The following LAMA5 variants were observed in gnomAD, a reference collection of about 807,000 sequenced individuals.
The protein encoded by LAMA5 is laminin subunit alpha-5.
In LAMA5, 260 loss-of-function variants were observed where a neutral mutation model predicts 433.4. The observed-to-expected ratio is 0.60, with a 90% CI of 0.54 to 0.66. LAMA5 has a LOEUF of 0.66. Among genes scored for constraint, LAMA5 ranks in the 30% least tolerant of loss-of-function variants. LAMA5 has a pLI of 0.00. For synonymous variants in LAMA5, 2,620 were observed against 2,226.6 expected (o/e 1.18, Z -4.97); for missense variants, 5,378 against 5,258.5 (o/e 1.02, Z -0.70).
chr20:62,322,620 G>GGGGCCCC, intron 46 of LAMA5, 38 bp downstream of exon 46: 2 of 1,399,002 alleles, frequency 1.4e-6, no homozygotes, highest in Non-Finnish European at 2.0e-6. Context: ...TAGTCCCTAG[G>GGGGCCCC]CCCCACCCAC....
chr20:62,313,460 G>A lies in LAMA5; in HGVS notation c.8659C>T (p.Pro2887Ser). 1.2e-6 allele frequency: 2 copies of A among 1,603,012 alleles called. No homozygotes were observed. Among genetic ancestry groups the A allele is most frequent in the South Asian group, 1.1e-5 (1 of 89,072 alleles). ...CCGGGGAAGCGAAGCAGGGGAGGGGGCTGTGGGCACAGGGCTGGGTCAGGG... is the reference window on the plus strand; with the variant it reads ...CCGGGGAAGCGAAGCAGGGGAGGGGACTGTGGGCACAGGGCTGGGTCAGGG... ...YVGGYPSTFTPPPLLRFPGYR... is the reference protein window; with the variant it reads ...YVGGYPSTFTSPPLLRFPGYR... Residue 2887 changes from proline to serine, a missense_variant and splice_region_variant, in exon 64 of 80, where the codon CCC becomes TCC. Transcript: ENST00000252999.
chr20:62,325,663 A>T lies in LAMA5; in HGVS notation c.5299-117T>A, dbSNP rs1173010714. 14 of 654,850 alleles carry T rather than the reference A, an allele frequency of 2.1e-5. No individual in the cohort carries two copies. In the East Asian group the frequency reaches 4.0e-4, roughly 19 times the overall value. 40.6% of individuals were successfully genotyped at this position (654,850 alleles called of 1,614,324 possible). A position where few individuals can be genotyped will look rare whatever the true frequency, so the allele number is the denominator to read the frequency against. Reference sequence around the variant, plus strand: ...AGGGGCACAAAGACCATGGGGCAGGAGGAGGTACACACAGGTAGAAAAACC... The same window carrying T: ...AGGGGCACAAAGACCATGGGGCAGGTGGAGGTACACACAGGTAGAAAAACC... On this transcript the variant is annotated intron_variant, in intron 40 of 79. Coordinates refer to ENST00000252999, the MANE Select transcript of LAMA5 (RefSeq NM_005560.6).
chr20:62,333,366 G>A lies in LAMA5; in HGVS notation c.3128+9C>T, dbSNP rs1171750823. On this transcript the variant is annotated intron_variant, in intron 25 of 79. Transcript: ENST00000252999. Reference sequence around the variant, plus strand: ...CCCACCCCGGTCCCACCGCACGCATGGCCCTCACTTGTCGCCAGACTGCTG... The same window carrying A: ...CCCACCCCGGTCCCACCGCACGCATAGCCCTCACTTGTCGCCAGACTGCTG... 1.2e-6 allele frequency: 2 copies of A among 1,609,332 alleles called. No homozygotes were observed. Among genetic ancestry groups the A allele is most frequent in the Non-Finnish European group, 1.7e-6 (2 of 1,179,030 alleles).
chr20:62,322,542 C>G, intron 46 of LAMA5, 93 bp from the exon 47 acceptor site: 1 of 1,452,234 alleles, frequency 6.9e-7, no homozygotes, highest in Non-Finnish European at 9.3e-7. Context: ...GGCCCCACCC[C>G]CTGAGGCTCT....
chr20:62,336,259 C>T, intron 18 of LAMA5, 81 bp downstream of exon 18: 1 of 1,066,018 alleles, frequency 9.4e-7, no homozygotes, highest in South Asian at 1.5e-5. Context: ...AACCCTGCAC[C>T]CCAACACTCC....
rs768925758 is a variant in LAMA5 at position 62,317,746 on chromosome 20, G to A, written c.7272C>T (p.Ala2424=). 6 of 1,607,546 alleles carry A rather than the reference G, an allele frequency of 3.7e-6. No individual in the cohort carries two copies. The highest frequency in any genetic ancestry group is 4.2e-6 in the Non-Finnish European group (5 of 1,177,936). ...CCGCATGCAGAGTGGCCTGCAGGGT[G>A]GCATTGTCCCGGGACAGCTCCTGCT... ...QRKQELSRDN[A]TLQATLHAAR... Residue 2424 remains alanine (A), a synonymous_variant, in exon 54 of 80, where the codon GCC becomes GCT. Coordinates refer to ENST00000252999, the MANE Select transcript of LAMA5 (RefSeq NM_005560.6).
chr20:62,315,921 CGA>C, intron 58 of LAMA5, 25 bp downstream of exon 58: 1 of 1,526,118 alleles, frequency 6.6e-7, no homozygotes, highest in Non-Finnish European at 8.9e-7. Flanking sequence ...CGGCCGGCTG[CGA>C]GAGCCGGGCC....
At chr20:62,332,982 G>A in intron 26 of LAMA5, 108 bp downstream of exon 26, 2 of 1,352,578 alleles carry the variant, frequency 1.5e-6, no homozygotes, top group Non-Finnish European at 9.8e-7. Flanking sequence ...GGGCTCCATT[G>A]CCTGAGGCAG....
chr20:62,349,481 CA>C (rs1029945600), intron 6 of LAMA5, among the ~76,000 whole-genome samples: 2 of 151,022 alleles, frequency 1.3e-5, no homozygotes, highest in Admixed American at 1.3e-4. Flanking sequence ...ATCATTTCTC[CA>C]AAGTGCTGAG....
chr20:62,317,121 G>T, intron 55 of LAMA5, 98 bp from the exon 56 acceptor site: 1 of 1,365,446 alleles, frequency 7.3e-7, no homozygotes, highest in South Asian at 1.5e-5. Flanking sequence ...GCCCGTGCCT[G>T]CCCGCCAAGT....
In LAMA5 at chr20:62,318,441, C is replaced by A; in HGVS notation, c.7239+13G>T. 2 of 1,578,994 alleles carry A rather than the reference C, an allele frequency of 1.3e-6. No individual in the cohort carries two copies. The highest frequency in any genetic ancestry group is 1.1e-5 in the South Asian group (1 of 90,214). On this transcript the variant is annotated intron_variant, in intron 53 of 79. Transcript: ENST00000252999. ...AAGAGGAGCAGGAGGAAGAACAAGT[C>A]CGGGGTCCTCACCAGGGCTTCCTCC...
intron 11 of LAMA5, among the ~76,000 whole-genome samples, chr20:62,339,506 G>A (rs1264195293): frequency 6.6e-6 from 1 of 152,180 alleles, no homozygotes; most frequent in African/African-American, 2.4e-5. Flanking sequence ...AAAGTGCTGG[G>A]ATTAAAATTA....
rs751157799 is a variant in LAMA5 at position 62,314,669 on chromosome 20, C to T, written c.8253G>A (p.Arg2751=). 3.1e-6 allele frequency: 5 copies of T among 1,612,658 alleles called. No homozygotes were observed. Among genetic ancestry groups the T allele is most frequent in the Middle Eastern group, 3.3e-4 (2 of 6,058 alleles). The change falls in exon 61 of 80, where the codon CGG becomes CGA. Residue 2751 remains arginine (R), a synonymous_variant. Coordinates refer to ENST00000252999, the MANE Select transcript of LAMA5 (RefSeq NM_005560.6). ...GRSGVQLRTP[R]DLADLAAYTA... is the part of the protein sequence containing the mutation. Reference sequence around the variant, plus strand: ...TGTAGGCAGCAAGGTCGGCAAGATCCCGTGGGGTGCGCAGCTGCACCCCTG... The same window carrying T: ...TGTAGGCAGCAAGGTCGGCAAGATCTCGTGGGGTGCGCAGCTGCACCCCTG...
chr20:62,346,485 C>G, intron 9 of LAMA5, 21 bp downstream of exon 9: 1 of 1,548,084 alleles, frequency 6.5e-7, no homozygotes, highest in East Asian at 2.4e-5. Flanking sequence ...CCAGGACACC[C>G]GCCCAGCTGA....
intron 51 of LAMA5, 44 bp from the exon 52 acceptor site, chr20:62,319,057 G>C: frequency 6.8e-7 from 1 of 1,471,944 alleles, no homozygotes; most frequent in Non-Finnish European, 9.0e-7. Context: ...GCCCGTACTA[G>C]TGCACCTCTG....
chr20:62,315,305 A>G, intron 58 of LAMA5, 98 bp from the exon 59 acceptor site: 1 of 1,051,588 alleles, frequency 9.5e-7, no homozygotes, highest in Non-Finnish European at 1.4e-6. Flanking sequence ...AGGGACATCC[A>G]ACCCCCTATG....
Position 62,310,752 on chromosome 20 carries a change from G to A in LAMA5, c.10359C>T (p.His3453=). The change falls in exon 75 of 80, where the codon CAC becomes CAT. Residue 3453 remains histidine, a synonymous_variant. Transcript: ENST00000252999. ...GGTGCTCTGCCCCCTGGTGCTGCCG[G>A]TGCGGCCCCTCCTGGCTCCAGGCCC... The part of the protein sequence containing the change: ...GARAWSQEGP[H]RQHQGAEHPQ... 1 of 1,571,506 alleles carries A rather than the reference G, an allele frequency of 6.4e-7. No homozygotes were observed. The highest frequency in any genetic ancestry group is 2.3e-5 in the East Asian group (1 of 44,284).
rs759077646 is a variant in LAMA5, at chr20:62,318,535, C to T, written c.7158G>A (p.Glu2386=). Residue 2386 remains glutamate (E), a synonymous_variant, in exon 53 of 80, where the codon GAG becomes GAA. Coordinates refer to ENST00000252999, the MANE Select transcript of LAMA5 (RefSeq NM_005560.6). ...TGGCGTCCACTGCCCGGTTCAAAGC[C>T]TCTCGCAGGTCCATGAGGCCGGCCT... is the stretch of plus-strand genomic sequence containing the variant. ...QHEAGLMDLR[E]ALNRAVDATR... 26 of 1,609,972 alleles carry T rather than the reference C, an allele frequency of 1.6e-5. 1 individual carries two copies. The Middle Eastern group carries it at 8.2e-4, about 51-fold the overall frequency.
Position 62,336,722 on chromosome 20 carries a change from A to G in LAMA5, c.2217+12T>C. Reference sequence around the variant, plus strand: ...TCACCCATCTCCCACACACGAGCAGACTTGGGCTCACCTCAGGAAGGGCAG... The same window carrying G: ...TCACCCATCTCCCACACACGAGCAGGCTTGGGCTCACCTCAGGAAGGGCAG... On this transcript the variant is annotated intron_variant, in intron 17 of 79. Transcript: ENST00000252999. 8 of 1,612,990 alleles carry G rather than the reference A, an allele frequency of 5.0e-6. No individual in the cohort carries two copies. Among genetic ancestry groups the G allele is most frequent in the Non-Finnish European group, 6.8e-6 (8 of 1,179,930 alleles).
Sources: gnomAD v4.1 joint callset for allele counts (sites outside exome capture counted in the v4.1 genomes callset) on GRCh38, gnomAD v4.1.1 for gene constraint, MANE v1.5 for transcripts, NCBI Gene and HGNC (gene_info 2026-07-23, HGNC 2026-07-21) for gene names.